Variants in PREX2 observed in about 807,000 individuals in gnomAD.
The protein encoded by PREX2 is phosphatidylinositol 3,4,5-trisphosphate-dependent Rac exchanger 2 protein.
PREX2 carries 107 observed loss-of-function variants against 203.2 expected under a neutral mutation model. The observed-to-expected ratio is 0.53, with a 90% confidence interval of 0.45 to 0.62. The LOEUF (loss-of-function observed/expected upper bound fraction) is 0.62, where lower values mean the gene tolerates loss of function less well. Ranked by LOEUF, PREX2 falls within the 20% of genes least tolerant of loss-of-function variation. The probability of loss-of-function intolerance (pLI) is 0.00; values close to 1 mark genes in which losing one functional copy is unlikely to be tolerated. For missense variants in PREX2, 1,777 were observed against 1,955.9 expected, an observed-to-expected ratio of 0.91 and a Z score of 1.72; for synonymous variants, 672 against 663.6, an observed-to-expected ratio of 1.01 and a Z score of -0.19.
chr8:68,023,586 A>G (rs1287187168), intron 4 of PREX2, among the ~76,000 whole-genome samples: 1 of 152,166 alleles, frequency 6.6e-6, no homozygotes, highest in Non-Finnish European at 1.5e-5. Flanking sequence ...TTTTTAAAGT[A>G]TCATCTTTTA....
intron 35 of PREX2, chr8:68,177,286 G>C (rs574694881): frequency 6.6e-6 from 1 of 152,172 alleles, no homozygotes; most frequent in Non-Finnish European, 1.5e-5. Flanking sequence ...GGCCAGGTGC[G>C]GTGGCTCACA....
chr8:68,184,156 C>T (rs1563578019), intron 35 of PREX2, among the ~76,000 whole-genome samples: 1 of 152,154 alleles, frequency 6.6e-6, no homozygotes, highest in African/African-American at 2.4e-5. Context: ...AATATTCTCC[C>T]ACCTTTCCAC....
intron 17 of PREX2, among the ~76,000 whole-genome samples, chr8:68,081,347 G>T (rs182811099): frequency 6.6e-6 from 1 of 152,250 alleles, no homozygotes; most frequent in East Asian, 1.9e-4. Context: ...ACCTCCTTTT[G>T]TGCGTCTGGT....
At chr8:68,220,398 A>G (rs1461370441) in intron 38 of PREX2, 1 of 152,206 alleles carries the variant, frequency 6.6e-6, no homozygotes, top group Non-Finnish European at 1.5e-5. Flanking sequence ...CTATGCCATA[A>G]TTATATATTC....
intron 25 of PREX2, among the ~76,000 whole-genome samples, chr8:68,112,907 C>G (rs752041070): frequency 2.0e-5 from 3 of 152,166 alleles, no homozygotes; most frequent in African/African-American, 7.2e-5. Flanking sequence ...GAAAGCTGAA[C>G]AGATGTTAGC....
rs963497020 is a variant in PREX2, at chr8:68,017,620, A to C, written c.142-226A>C. On this transcript the variant is annotated intron_variant, in intron 1 of 39. Coordinates refer to ENST00000288368, the MANE Select transcript of PREX2 (RefSeq NM_024870.4). Reference sequence around the variant, plus strand: ...ATCCTGGTGGATAAATTTAACTTACATATACTTGATGATTTCTGGCTCTAC... The same window carrying C: ...ATCCTGGTGGATAAATTTAACTTACCTATACTTGATGATTTCTGGCTCTAC... 3.3e-5 allele frequency among the ~76,000 whole-genome samples: 5 copies of C among 152,204 alleles called. No homozygotes were observed. The East Asian group carries it at 7.7e-4, about 23-fold the overall frequency.
At chr8:68,087,658 A>G (rs1585775289) in intron 18 of PREX2, 66 bp from the exon 19 acceptor site, 2 of 1,122,072 alleles carry the variant, frequency 1.8e-6, no homozygotes, top group South Asian at 1.2e-5. Context: ...AAAGCTGTAC[A>G]CGACGATTAT....
In PREX2 at chr8:68,119,564, A is replaced by G. The variant is rs375920075; in HGVS notation, c.3504+50A>G. On this transcript the variant is annotated intron_variant, in intron 28 of 39. Transcript: ENST00000288368. The stretch of plus-strand genomic sequence containing the variant: ...TTTGTTCCACAACTAAACTGTGAGG[A>G]GTCCCTTTTTCATATGCAGTAAAAG... 4 of 1,363,794 alleles carry G rather than the reference A, an allele frequency of 2.9e-6. No homozygotes were observed. In the African/African-American group the frequency reaches 4.3e-5, roughly 15 times the overall value. 84.5% of individuals were successfully genotyped at this position (1,363,794 alleles called of 1,614,324 possible).
intron 1 of PREX2, among the ~76,000 whole-genome samples, chr8:68,012,169 C>T (rs988383139): frequency 5.9e-5 from 9 of 152,078 alleles, no homozygotes; most frequent in Admixed American, 1.3e-4. Flanking sequence ...TCCTGAAGAA[C>T]GCAGTTCTTT....
chr8:68,062,252 C>T (rs745353271), intron 11 of PREX2, among the ~76,000 whole-genome samples: 3 of 152,182 alleles, frequency 2.0e-5, no homozygotes, highest in Admixed American at 1.3e-4. Context: ...TCCTTTGCTT[C>T]CACTTTTGTT....
chr8:68,213,195 C>A (rs1478220456), intron 37 of PREX2, among the ~76,000 whole-genome samples: 5 of 152,212 alleles, frequency 3.3e-5, no homozygotes, highest in Non-Finnish European at 7.3e-5. Flanking sequence ...ACTCAACTTT[C>A]TTTAGCTCAG....
chr8:68,120,511 A>G (rs957253484), intron 29 of PREX2, among the ~76,000 whole-genome samples: 11 of 152,154 alleles, frequency 7.2e-5, no homozygotes, highest in African/African-American at 2.2e-4. Flanking sequence ...TTTAATGCCT[A>G]TAGGGGCCAG....
At chr8:68,192,598 G>C in intron 37 of PREX2, 73 bp downstream of exon 37, 2 of 1,259,240 alleles carry the variant, frequency 1.6e-6, no homozygotes, top group Non-Finnish European at 2.2e-6. Flanking sequence ...TTTACATTTT[G>C]GCTTCACAAA....
chr8:67,993,400 C>CTTTTTT (rs5892121), intron 1 of PREX2, among the ~76,000 whole-genome samples: 1 of 108,228 alleles, frequency 9.2e-6, no homozygotes, highest in African/African-American at 3.2e-5. Flanking sequence ...TTACTTCAGT[C>CTTTTTT]TTTTTTTTTT....
intron 35 of PREX2, among the ~76,000 whole-genome samples, chr8:68,167,960 C>T (rs776136114): frequency 6.6e-6 from 1 of 152,130 alleles, no homozygotes. Flanking sequence ...GCCCAGCAGC[C>T]TTTGTTTTAA....
chr8:68,181,650 T>C (rs1393020787), intron 35 of PREX2, among the ~76,000 whole-genome samples: 1 of 152,122 alleles, frequency 6.6e-6, no homozygotes, highest in Non-Finnish European at 1.5e-5. Context: ...GTTTTTTTCT[T>C]GAGCAACAGC....
rs1805357754 is a variant in PREX2, at chr8:67,952,161, C to T, written c.-234C>T. The T allele has an allele frequency of 2.8e-6, 1 of 355,780 alleles. No homozygotes were observed. The allele number at this position is 355,780 out of a possible 1,614,324, so 22.0% of individuals were successfully genotyped here. ...GGCGCGCAGGGCCTGGCCGGAGCCCCCACTCCCAGGAGTTTCCTCTGCAGA... is the reference window on the plus strand; with the variant it reads ...GGCGCGCAGGGCCTGGCCGGAGCCCTCACTCCCAGGAGTTTCCTCTGCAGA... On this transcript the variant is annotated 5_prime_UTR_variant, in exon 1 of 40. Coordinates refer to ENST00000288368, the MANE Select transcript of PREX2 (RefSeq NM_024870.4).
Position 68,077,437 on chromosome 8 carries a change from T to C in PREX2, c.1610T>C (p.Val537Ala), listed in dbSNP as rs757775649. ...RTREEAMIFG[V>A]GLCDNGFMHH... is the part of the protein sequence containing the mutation. The stretch of plus-strand genomic sequence containing the variant: ...AGAGAAGAGGCAATGATATTTGGCG[T>C]TGGACTCTGTGACAATGGATTTATG... The change falls in exon 15 of 40, where the codon GTT (valine) becomes GCT (alanine). Residue 537 changes from valine (V) to alanine (A), a missense_variant. Val to Ala is a moderately conservative substitution (Grantham distance 64). Transcript: ENST00000288368. 61 of 1,613,676 alleles carry C rather than the reference T, an allele frequency of 3.8e-5. No homozygotes were observed. The highest frequency in any genetic ancestry group is 8.3e-5 in the Admixed American group (5 of 59,996).
At chr8:68,057,334 G>A (rs10091252) in intron 10 of PREX2, among the ~76,000 whole-genome samples, 2,049 of 152,152 alleles carry the variant, frequency 0.013, 45 homozygotes, top group African/African-American at 0.046. Context: ...TTACCCAGTC[G>A]TGGGTACTTA....
Sources: gnomAD v4.1 joint callset for allele counts (sites outside exome capture counted in the v4.1 genomes callset) on GRCh38, gnomAD v4.1.1 for gene constraint, MANE v1.5 for transcripts, NCBI Gene and HGNC (gene_info 2026-07-23, HGNC 2026-07-21) for gene names.